HS3ST5: variants seen among roughly 807,000 people sequenced by gnomAD.
HS3ST5 encodes the protein heparan sulfate-glucosamine 3-sulfotransferase 5.
In HS3ST5, 10 loss-of-function variants were observed where a neutral mutation model predicts 25.4. The observed-to-expected ratio is 0.39, with a 90% CI of 0.24 to 0.67. The LOEUF (loss-of-function observed/expected upper bound fraction) is 0.67. Among genes scored for constraint, HS3ST5 ranks in the 30% least tolerant of loss-of-function variants. HS3ST5 has a pLI of 0.44. For missense variants in HS3ST5, 324 were observed against 420.7 expected (o/e 0.77, Z 2.01); for synonymous variants, 170 against 162.4 (o/e 1.05, Z -0.36).
chr6:114,145,580 A>G (rs1778121286), intron 3 of HS3ST5, among the ~76,000 whole-genome samples: 1 of 152,164 alleles, frequency 6.6e-6, no homozygotes, highest in Non-Finnish European at 1.5e-5. Flanking sequence ...GGTAGTTTAC[A>G]TGGGCAGAAA....
chr6:114,191,667 T>G (rs1263066207), intron 2 of HS3ST5, among the ~76,000 whole-genome samples: 2 of 152,168 alleles, frequency 1.3e-5, no homozygotes, highest in African/African-American at 4.8e-5. Flanking sequence ...CATCGGTGCC[T>G]TGCAGTGTCC....
chr6:114,065,020 A>T (rs1391816532), intron 3 of HS3ST5, among the ~76,000 whole-genome samples: 1 of 152,138 alleles, frequency 6.6e-6, no homozygotes, highest in African/African-American at 2.4e-5. Context: ...GAGAGCAAAA[A>T]CAGGTAGGCT....
intron 2 of HS3ST5, among the ~76,000 whole-genome samples, chr6:114,210,801 G>T (rs1039216575): frequency 8.5e-5 from 13 of 152,162 alleles, no homozygotes; most frequent in Non-Finnish European, 1.6e-4. Flanking sequence ...AAATTTCTAC[G>T]TAAATTGAGA....
intron 3 of HS3ST5, among the ~76,000 whole-genome samples, chr6:114,106,154 T>C (rs1775982406): frequency 6.6e-6 from 1 of 152,050 alleles, no homozygotes; most frequent in African/African-American, 2.4e-5. Context: ...AAGAAGATAA[T>C]AGGGCAAAGT....
At chr6:114,234,073 A>T (rs1771739883) in intron 1 of HS3ST5, among the ~76,000 whole-genome samples, 1 of 152,166 alleles carries the variant, frequency 6.6e-6, no homozygotes, top group South Asian at 2.1e-4. Context: ...TTGGGATTGA[A>T]GAGATACAAA....
intron 3 of HS3ST5, among the ~76,000 whole-genome samples, chr6:114,093,428 T>G (rs537214372): frequency 6.6e-5 from 10 of 150,854 alleles, no homozygotes; most frequent in Admixed American, 4.0e-4. Context: ...CCCTCTTTGC[T>G]TGTCTCCACC....
At chr6:114,071,161 TTTC>T (rs1482630859) in intron 3 of HS3ST5, among the ~76,000 whole-genome samples, 1 of 152,242 alleles carries the variant, frequency 6.6e-6, no homozygotes, top group Admixed American at 6.5e-5. Flanking sequence ...CTTCAGGGCC[TTTC>T]TTCTTAAGAT....
chr6:114,170,390 AAATT>A (rs1030328606), intron 2 of HS3ST5, among the ~76,000 whole-genome samples: 1 of 152,128 alleles, frequency 6.6e-6, no homozygotes, highest in African/African-American at 2.4e-5. Flanking sequence ...TTTAATCACA[AAATT>A]ATTTAGATTT....
intron 3 of HS3ST5, among the ~76,000 whole-genome samples, chr6:114,077,073 GGTTC>G (rs1774180953): frequency 6.6e-6 from 1 of 152,110 alleles, no homozygotes. Context: ...TTTTCATATG[GGTTC>G]TTCATTTCTG....
At chr6:114,126,460 A>G (rs1562207003) in intron 3 of HS3ST5, among the ~76,000 whole-genome samples, 2 of 152,206 alleles carry the variant, frequency 1.3e-5, no homozygotes, top group African/African-American at 4.8e-5. Flanking sequence ...CAGATTTGAG[A>G]TTAAGAAACA....
Position 114,225,384 on chromosome 6 carries a change from T to C in HS3ST5, c.-145+3201A>G, listed in dbSNP as rs1782245513. Among the ~76,000 whole-genome samples, 5 of 151,972 alleles carry C rather than the reference T, an allele frequency of 3.3e-5. No individual in the cohort carries two copies. The South Asian group carries it at 1.0e-3, about 31-fold the overall frequency. The stretch of plus-strand genomic sequence containing the variant: ...TTGCATCTTCCCTACCATCCTTTTA[T>C]AGTGCTCTTTTAAAGCAAGTTAGAC... On this transcript the variant is annotated intron_variant, in intron 2 of 4. Coordinates refer to ENST00000312719, the MANE Select transcript of HS3ST5 (RefSeq NM_153612.4).
chr6:114,239,969 T>A (rs1772030499), intron 1 of HS3ST5, among the ~76,000 whole-genome samples: 1 of 151,682 alleles, frequency 6.6e-6, no homozygotes, highest in Non-Finnish European at 1.5e-5. Flanking sequence ...GAATTCAGCT[T>A]AAATTGTTTT....
chr6:114,244,396 T>C (rs919081857), intron 1 of HS3ST5, among the ~76,000 whole-genome samples: 10 of 152,224 alleles, frequency 6.6e-5, no homozygotes, highest in Admixed American at 2.6e-4. Flanking sequence ...AGCTGTGTAA[T>C]TGGACAGTTA....
intron 1 of HS3ST5, among the ~76,000 whole-genome samples, chr6:114,302,508 A>C (rs1303018927): frequency 2.6e-5 from 4 of 152,222 alleles, no homozygotes; most frequent in Non-Finnish European, 1.5e-5. Context: ...AGGTATGTAA[A>C]TGTGAGATTA....
intron 3 of HS3ST5, among the ~76,000 whole-genome samples, chr6:114,079,027 T>C (rs1490337404): frequency 1.3e-5 from 2 of 152,244 alleles, no homozygotes; most frequent in Non-Finnish European, 2.9e-5. Flanking sequence ...TTTTAAAATA[T>C]TGTATTGCTA....
intron 1 of HS3ST5, chr6:114,281,911 G>A (rs1425469534): frequency 1.3e-5 from 2 of 151,908 alleles, no homozygotes; most frequent in African/African-American, 4.8e-5. Context: ...GGAAAAATAA[G>A]CACCTTTTAC....
In HS3ST5 at chr6:114,107,692, A is replaced by G. The variant is rs9384889; in HGVS notation, c.-32-44815T>C. ...GAATACAAGTTGAGCATATAAACTCAGCTGTATTTCTATATACTAGCAGTG... is the reference window on the plus strand; with the variant it reads ...GAATACAAGTTGAGCATATAAACTCGGCTGTATTTCTATATACTAGCAGTG... On this transcript the variant is annotated intron_variant, in intron 3 of 4. Transcript: ENST00000312719. Among the ~76,000 whole-genome samples, 347 of 152,346 alleles carry G rather than the reference A, an allele frequency of 2.3e-3. 9 individuals carry two copies. The East Asian group carries it at 0.06, about 26-fold the overall frequency.
intron 3 of HS3ST5, among the ~76,000 whole-genome samples, chr6:114,100,294 A>G (rs754349156): frequency 2.0e-5 from 3 of 152,146 alleles, no homozygotes; most frequent in Non-Finnish European, 4.4e-5. Context: ...GAGATTGCAG[A>G]CGATAGAGAG....
intron 1 of HS3ST5, among the ~76,000 whole-genome samples, chr6:114,242,716 G>A (rs901874514): frequency 1.3e-5 from 2 of 152,006 alleles, no homozygotes; most frequent in Non-Finnish European, 2.9e-5. Context: ...AGCCGGGCGC[G>A]GTGGCGGGCG....
Sources: gnomAD v4.1 joint callset for allele counts (sites outside exome capture counted in the v4.1 genomes callset) on GRCh38, gnomAD v4.1.1 for gene constraint, MANE v1.5 for transcripts, NCBI Gene and HGNC (gene_info 2026-07-23, HGNC 2026-07-21) for gene names.